Variants in ZBTB3 observed in about 807,000 individuals in gnomAD.
The protein encoded by ZBTB3 is zinc finger and BTB domain-containing protein 3.
Under a neutral mutation model 30.6 loss-of-function variants are expected in ZBTB3, and 15 were observed. That is an observed-to-expected ratio of 0.49 (90% CI 0.33 to 0.75). The LOEUF is 0.75. ZBTB3 is among the 30% of genes least tolerant of loss of function. The pLI is 0.02. For synonymous variants in ZBTB3, 258 were observed against 261.7 expected (o/e 0.99, Z 0.14); for missense variants, 599 against 652.1 (o/e 0.92, Z 0.89).
chr11:62,752,817 G>C lies in ZBTB3; in HGVS notation c.848C>G (p.Ala283Gly). The stretch of plus-strand genomic sequence containing the variant: ...GGATGGAACTGGAGCTGAGACAGGG[G>C]CTGGGGCTGACGTTGGGGCTGAGGC... ...PPASAPTSAP[A>G]PVSAPVPSQA... The change falls in exon 2 of 2, where the codon GCC becomes GGC. Residue 283 changes from alanine to glycine, a missense_variant. Coordinates refer to ENST00000394807, the MANE Select transcript of ZBTB3 (RefSeq NM_001370809.1). 1 of 1,614,086 alleles carries C rather than the reference G, an allele frequency of 6.2e-7. No homozygotes were observed. The highest frequency in any genetic ancestry group is 1.1e-5 in the South Asian group (1 of 91,080).
intron 1 of ZBTB3, 72 bp downstream of exon 1, chr11:62,753,892 C>T (rs2084040113): frequency 3.8e-6 from 6 of 1,589,350 alleles, no homozygotes; most frequent in Non-Finnish European, 5.2e-6. Flanking sequence ...AGAACAGGCC[C>T]CACCCCCGTC....
Position 62,752,988 on chromosome 11 carries a change from G to A in ZBTB3, c.677C>T (p.Thr226Ile). 6.2e-7 allele frequency: 1 copy of A among 1,614,156 alleles called. No homozygotes were observed. The highest frequency in any genetic ancestry group is 8.5e-7 in the Non-Finnish European group (1 of 1,180,016). Residue 226 changes from threonine (T) to isoleucine (I), a missense_variant, in exon 2 of 2, where the codon ACT becomes ATT. Physicochemically the swap from Thr to Ile is moderately conservative, Grantham distance 89 (BLOSUM62 -1). Coordinates refer to ENST00000394807, the MANE Select transcript of ZBTB3 (RefSeq NM_001370809.1). ...DVSLASPSSS[T>I]ETIPTNYFSS... ...GAAGTAGTTTGTAGGAATGGTCTCA[G>A]TGGAGCTACTAGGGCTGGCAAGAGA...
chr11:62,753,479 A>C lies in ZBTB3; in HGVS notation c.186T>G (p.Asp62Glu), dbSNP rs2084035756. 6.2e-7 allele frequency: 1 copy of C among 1,614,148 alleles called. No individual in the cohort carries two copies. Among genetic ancestry groups the C allele is most frequent in the Non-Finnish European group, 8.5e-7 (1 of 1,180,026 alleles). The part of the protein sequence containing the change: ...FYKERELDKR[D>E]LVCIHNEIVT... ...CAATTTCATTGTGAATACACACCAG[A>C]TCCCTCTTGTCCAATTCCCGCTCCT... is the stretch of plus-strand genomic sequence containing the variant. Residue 62 changes from aspartate (D) to glutamate (E), a missense_variant, in exon 2 of 2, where the codon GAT becomes GAG. Asp to Glu is a conservative substitution (Grantham distance 45). Coordinates refer to ENST00000394807, the MANE Select transcript of ZBTB3 (RefSeq NM_001370809.1).
In ZBTB3 at chr11:62,752,560, G is replaced by A. The variant is rs755927555; in HGVS notation, c.1105C>T (p.Pro369Ser). ...GPSDHFLPTD[P>S]HLPYHLLPGA... Reference sequence around the variant, plus strand: ...GGCAGCAGATGGTAGGGTAGATGAGGGTCTGTTGGCAGGAAGTGGTCACTT... The same window carrying A: ...GGCAGCAGATGGTAGGGTAGATGAGAGTCTGTTGGCAGGAAGTGGTCACTT... The change falls in exon 2 of 2, where the codon CCT becomes TCT. Residue 369 changes from proline to serine, a missense_variant. Transcript: ENST00000394807. 1.2e-6 allele frequency: 2 copies of A among 1,614,134 alleles called. No individual in the cohort carries two copies. Among genetic ancestry groups the A allele is most frequent in the Non-Finnish European group, 1.7e-6 (2 of 1,180,036 alleles).
chr11:62,753,668 A>G lies in ZBTB3; in HGVS notation c.-4T>C, dbSNP rs777680291. 6.2e-7 allele frequency: 1 copy of G among 1,610,194 alleles called. No individual in the cohort carries two copies. Among genetic ancestry groups the G allele is most frequent in the East Asian group, 2.2e-5 (1 of 44,788 alleles). On this transcript the variant is annotated 5_prime_UTR_variant, in exon 2 of 2. Transcript: ENST00000394807. Reference sequence around the variant, plus strand: ...GACTGTGTTCTGGGAACTCCATAGTACCCCACGAAGGAAAGGGGGCCCAAA... The same window carrying G: ...GACTGTGTTCTGGGAACTCCATAGTGCCCCACGAAGGAAAGGGGGCCCAAA...
At chr11:62,753,939 C>T (rs370899793) in intron 1 of ZBTB3, 25 bp downstream of exon 1, 2 of 1,613,270 alleles carry the variant, frequency 1.2e-6, no homozygotes, top group South Asian at 1.1e-5. Context: ...GCCCCTTAGC[C>T]ACCCTCCGCT....
chr11:62,753,860 C>T, intron 1 of ZBTB3, 104 bp downstream of exon 1: 2 of 1,557,106 alleles, frequency 1.3e-6, no homozygotes, highest in Non-Finnish European at 1.7e-6. Context: ...CCCATTAGCT[C>T]CGCCCACCTC....
chr11:62,751,408 C>G lies in ZBTB3; in HGVS notation c.*682G>C, dbSNP rs1472215618. 2 of 150,414 alleles carry G rather than the reference C, an allele frequency of 1.3e-5. No homozygotes were observed. Among genetic ancestry groups the G allele is most frequent in the Non-Finnish European group, 3.0e-5 (2 of 67,730 alleles). The allele number at this position is 150,414 out of a possible 1,614,324, so 9.3% of individuals were successfully genotyped here. A position where few individuals can be genotyped will look rare whatever the true frequency, so the allele number is the denominator to read the frequency against. Reference sequence around the variant, plus strand: ...CACGAGGTCAGGAGATCGAGACCATCCTGACTAACACGGTGAAACCCCGTC... The same window carrying G: ...CACGAGGTCAGGAGATCGAGACCATGCTGACTAACACGGTGAAACCCCGTC... On this transcript the variant is annotated 3_prime_UTR_variant, in exon 2 of 2. Coordinates refer to ENST00000394807, the MANE Select transcript of ZBTB3 (RefSeq NM_001370809.1).
chr11:62,753,433 G>A lies in ZBTB3; in HGVS notation c.232C>T (p.Leu78=). 1 of 1,614,162 alleles carries A rather than the reference G, an allele frequency of 6.2e-7. No individual in the cohort carries two copies. Among genetic ancestry groups the A allele is most frequent in the Non-Finnish European group, 8.5e-7 (1 of 1,180,024 alleles). Residue 78 remains leucine, a synonymous_variant, in exon 2 of 2, where the codon CTG becomes TTG. Transcript: ENST00000394807. ...NEIVTAPAFG[L]LLDFMYAGQL... is the part of the protein sequence containing the mutation. The stretch of plus-strand genomic sequence containing the variant: ...CCAGCATACATAAAGTCCAGAAGCA[G>A]CCCAAAGGCTGGGGCTGTGACAATT...
At position 62,753,883 on chromosome 11, in the gene ZBTB3, G is replaced by A. The variant is rs1397047484; in HGVS notation, c.-52+81C>T. ...CTCCGCCCACCTCGGCCTAACCTTA[G>A]AACAGGCCCCACCCCCGTCCGATAA... On this transcript the variant is annotated intron_variant, in intron 1 of 1. Transcript: ENST00000394807. The A allele has an allele frequency of 1.9e-5, 30 of 1,586,626 alleles. No individual in the cohort carries two copies. The South Asian group carries it at 2.5e-4, about 13-fold the overall frequency.
rs778085774 is a variant in ZBTB3 at position 62,754,035 on chromosome 11, C to G, written c.-123G>C. Reference sequence around the variant, plus strand: ...CAGGCCTTGCCAGGCGATGCCTCTACGCCCCACTTCGAGAACTCCCTAAGC... The same window carrying G: ...CAGGCCTTGCCAGGCGATGCCTCTAGGCCCCACTTCGAGAACTCCCTAAGC... On this transcript the variant is annotated 5_prime_UTR_variant, in exon 1 of 2. Coordinates refer to ENST00000394807, the MANE Select transcript of ZBTB3 (RefSeq NM_001370809.1). 1 of 1,614,060 alleles carries G rather than the reference C, an allele frequency of 6.2e-7. No homozygotes were observed. Among genetic ancestry groups the G allele is most frequent in the South Asian group, 1.1e-5 (1 of 91,090 alleles).
At position 62,751,516 on chromosome 11, in the gene ZBTB3, ACT is replaced by A. The variant is rs1200941710; in HGVS notation, c.*572_*573del. 7.4e-6 allele frequency: 1 copy of A among 134,934 alleles called. No individual in the cohort carries two copies. Among genetic ancestry groups the A allele is most frequent in the African/African-American group, 3.0e-5 (1 of 33,822 alleles). The allele number at this position is 134,934 out of a possible 1,614,324, so 8.4% of individuals were successfully genotyped here. ...ACTCCAGCCTGGGGGACAGAGTGAGACTCTGTCTCAAAAAAAAAAAAAAAAAA... is the reference window on the plus strand; with the variant it reads ...ACTCCAGCCTGGGGGACAGAGTGAGACTGTCTCAAAAAAAAAAAAAAAAAA... On this transcript the variant is annotated 3_prime_UTR_variant, in exon 2 of 2. Coordinates refer to ENST00000394807, the MANE Select transcript of ZBTB3 (RefSeq NM_001370809.1).
chr11:62,752,147 GCT>G lies in ZBTB3; in HGVS notation c.1516_1517del (p.Ser506GlnfsTer8), dbSNP rs1421519849. ...LPGSPTADRQSSSGGGPPKDF... is the reference protein window; with the variant it reads ...LPGSPTADRQXSSGGGPPKDF... ...CTTTAGGTGGCCCTCCACCACTGCTGCTCTGTCTGTCTGCTGTTGGGGAGCCA... is the reference window on the plus strand; with the variant it reads ...CTTTAGGTGGCCCTCCACCACTGCTGCTGTCTGTCTGCTGTTGGGGAGCCA... On this transcript the variant is annotated frameshift_variant, in exon 2 of 2. Transcript: ENST00000394807. LOFTEE classifies it high-confidence loss of function. 3 of 1,613,886 alleles carry G rather than the reference GCT, an allele frequency of 1.9e-6. No homozygotes were observed. The highest frequency in any genetic ancestry group is 2.5e-6 in the Non-Finnish European group (3 of 1,179,944).
In ZBTB3 at chr11:62,753,036, G is replaced by A. The variant is rs1042105483; in HGVS notation, c.629C>T (p.Pro210Leu). ...MEVDAPHLRA[P>L]HPPVADVSLA... ...AGAGACATCAGCCACTGGTGGATGA[G>A]GTGCCCGCAGATGTGGTGCGTCAAC... Residue 210 changes from proline to leucine, a missense_variant, in exon 2 of 2, where the codon CCT becomes CTT. Physicochemically the swap from Pro to Leu is moderately conservative, Grantham distance 98. Coordinates refer to ENST00000394807, the MANE Select transcript of ZBTB3 (RefSeq NM_001370809.1). The A allele has an allele frequency of 1.9e-6, 3 of 1,614,144 alleles. No individual in the cohort carries two copies. The highest frequency in any genetic ancestry group is 2.5e-6 in the Non-Finnish European group (3 of 1,180,002).
Position 62,754,083 on chromosome 11 carries a change from G to C in ZBTB3, c.-171C>G, listed in dbSNP as rs772850220. 6.2e-7 allele frequency: 1 copy of C among 1,611,516 alleles called. No homozygotes were observed. Among genetic ancestry groups the C allele is most frequent in the South Asian group, 1.1e-5 (1 of 91,036 alleles). On this transcript the variant is annotated 5_prime_UTR_variant, in exon 1 of 2. Transcript: ENST00000394807. ...AGCATCTCCCTCACGCATTCCAGGG[G>C]CTAAGGACTACCAGGGTGGGAACTA...
In ZBTB3 at chr11:62,753,665, A is replaced by T; in HGVS notation, c.-1T>A. 1.2e-6 allele frequency: 2 copies of T among 1,611,020 alleles called. No individual in the cohort carries two copies. On this transcript the variant is annotated 5_prime_UTR_variant, in exon 2 of 2. Transcript: ENST00000394807. ...GCTGACTGTGTTCTGGGAACTCCAT[A>T]GTACCCCACGAAGGAAAGGGGGCCC...
At position 62,753,659 on chromosome 11, in the gene ZBTB3, C is replaced by T. The variant is rs1388172407; in HGVS notation, c.6G>A (p.Glu2=). Residue 2 remains glutamate (E), a synonymous_variant, in exon 2 of 2, where the codon GAG becomes GAA. Transcript: ENST00000394807. ...GCAGCTGCTGACTGTGTTCTGGGAA[C>T]TCCATAGTACCCCACGAAGGAAAGG... M[E]FPEHSQQLLQ... 6.8e-6 allele frequency: 11 copies of T among 1,612,262 alleles called. No homozygotes were observed. The highest frequency in any genetic ancestry group is 9.3e-6 in the Non-Finnish European group (11 of 1,179,314).
chr11:62,753,064 C>G lies in ZBTB3; in HGVS notation c.601G>C (p.Glu201Gln), dbSNP rs1279812569. The G allele has an allele frequency of 6.2e-7, 1 of 1,614,194 alleles. No individual in the cohort carries two copies. The highest frequency in any genetic ancestry group is 1.1e-5 in the South Asian group (1 of 91,086). Residue 201 changes from glutamate to glutamine, a missense_variant, in exon 2 of 2, where the codon GAG (glutamate) becomes CAG (glutamine). Physicochemically the swap from Glu to Gln is conservative, Grantham distance 29 (BLOSUM62 2). Coordinates refer to ENST00000394807, the MANE Select transcript of ZBTB3 (RefSeq NM_001370809.1). ...GCCCGCAGATGTGGTGCGTCAACCT[C>G]CATGCCAGGCTGTGTAGTGTCAGCC... ...SGADTTQPGMEVDAPHLRAPH... is the reference protein window; with the variant it reads ...SGADTTQPGMQVDAPHLRAPH...
Position 62,752,517 on chromosome 11 carries a change from T to C in ZBTB3, c.1148A>G (p.His383Arg). The C allele has an allele frequency of 6.2e-7, 1 of 1,614,184 alleles. No homozygotes were observed. The highest frequency in any genetic ancestry group is 8.5e-7 in the Non-Finnish European group (1 of 1,180,038). The change falls in exon 2 of 2, where the codon CAT becomes CGT. Residue 383 changes from histidine to arginine, a missense_variant. By Grantham distance (29) the His-to-Arg change is conservative. Coordinates refer to ENST00000394807, the MANE Select transcript of ZBTB3 (RefSeq NM_001370809.1). ...CAGAGGTGAGGTCACCAGTCCTCGA[T>C]GATACTGCCCTGCACCTGGCAGCAG... ...YHLLPGAGQY[H>R]RGLVTSPLPA...
Sources: allele counts gnomAD v4.1 joint callset, GRCh38; gene constraint gnomAD v4.1.1; transcripts MANE v1.5; gene names NCBI Gene and HGNC (gene_info 2026-07-23, HGNC 2026-07-21).